Variants in IFT80 observed in about 807,000 individuals in gnomAD.
IFT80 encodes the protein intraflagellar transport protein 80 homolog.
A neutral mutation model predicts 107.9 loss-of-function variants in IFT80; 79 were observed. The observed-to-expected ratio is 0.73, with a 90% confidence interval of 0.61 to 0.88. The LOEUF (loss-of-function observed/expected upper bound fraction) is 0.88. IFT80 is among the 40% of genes least tolerant of loss of function. IFT80 has a pLI of 0.00. For synonymous variants in IFT80, 299 were observed against 300.9 expected (o/e 0.99, Z 0.07); for missense variants, 797 against 914.2 (o/e 0.87, Z 1.65).
At chr3:160,336,547 T>C (rs557187765) in intron 8 of IFT80, among the ~76,000 whole-genome samples, 2 of 152,220 alleles carry the variant, frequency 1.3e-5, no homozygotes, top group East Asian at 3.9e-4. Flanking sequence ...GATAACAATT[T>C]TTTATTTTTG....
At position 160,282,542 on chromosome 3, in the gene IFT80, T is replaced by A. The variant is rs1714765993; in HGVS notation, c.1452A>T (p.Lys484Asn). The A allele has an allele frequency of 6.3e-7, 1 of 1,594,590 alleles. No homozygotes were observed. The highest frequency in any genetic ancestry group is 8.6e-7 in the Non-Finnish European group (1 of 1,166,484). Residue 484 changes from lysine to asparagine, a missense_variant, in exon 14 of 20, where the codon AAA (lysine) becomes AAT (asparagine). By Grantham distance (94) the Lys-to-Asn change is moderately conservative (BLOSUM62 0). Transcript: ENST00000326448. The stretch of plus-strand genomic sequence containing the variant: ...CAGAAGTGATACAGAGATCTCTATT[T>A]TTATCAATGAAAGCAATTTTTCTAT... ...TNDRKIAFID[K>N]NRDLCITSVK... is the part of the protein sequence containing the mutation.
At chr3:160,384,321 A>G in intron 2 of IFT80, 1 of 949,788 alleles carries the variant, frequency 1.1e-6, no homozygotes, top group Non-Finnish European at 1.3e-6. Context: ...ATTTAAGTAT[A>G]GTACTTAAGT....
At chr3:160,321,478 A>G (rs896981907) in intron 8 of IFT80, among the ~76,000 whole-genome samples, 5 of 151,976 alleles carry the variant, frequency 3.3e-5, no homozygotes, top group Non-Finnish European at 5.9e-5. Flanking sequence ...ATACATTCAT[A>G]TAACAGTCCT....
At chr3:160,348,241 G>C (rs542375522) in intron 8 of IFT80, among the ~76,000 whole-genome samples, 1 of 151,880 alleles carries the variant, frequency 6.6e-6, no homozygotes, top group Admixed American at 6.6e-5. Flanking sequence ...ATAATTTCTT[G>C]AACAATGAAA....
chr3:160,362,707 A>T (rs961762778), intron 6 of IFT80, among the ~76,000 whole-genome samples: 26 of 150,386 alleles, frequency 1.7e-4, no homozygotes, highest in Non-Finnish European at 3.6e-4. Context: ...GATGCAAGGG[A>T]TTCAACATAC....
intron 17 of IFT80, 49 bp from the exon 18 acceptor site, chr3:160,277,527 TA>T: frequency 6.3e-7 from 1 of 1,575,280 alleles, no homozygotes; most frequent in Non-Finnish European, 8.7e-7. Context: ...AGAAATATAA[TA>T]AATTACGCTA....
At position 160,300,486 on chromosome 3, in the gene IFT80, T is replaced by C. The variant is rs115965946; in HGVS notation, c.1315+397A>G. Among the ~76,000 whole-genome samples the C allele has an allele frequency of 7.0e-3, 1,059 of 152,112 alleles. 11 individuals are homozygous for C. Among genetic ancestry groups the C allele is most frequent in the African/African-American group, 0.024 (991 of 41,502 alleles). ...ATATGAATTTAAAAATATAAACAAA[T>C]TAAATAGTTCAATGAAGTGCAATAT... On this transcript the variant is annotated intron_variant, in intron 12 of 19. Coordinates refer to ENST00000326448, the MANE Select transcript of IFT80 (RefSeq NM_020800.3).
chr3:160,381,071 CA>C (rs528282782), intron 3 of IFT80, among the ~76,000 whole-genome samples: 1 of 150,090 alleles, frequency 6.7e-6, no homozygotes. Context: ...CCTGTCTCTA[CA>C]AAAAAAATGT....
At chr3:160,361,346 C>T (rs982747585) in intron 6 of IFT80, among the ~76,000 whole-genome samples, 8 of 152,178 alleles carry the variant, frequency 5.3e-5, no homozygotes, top group Non-Finnish European at 1.0e-4. Flanking sequence ...TACATATGCA[C>T]CCAATACAGG....
chr3:160,392,879 G>A (rs545715516), intron 1 of IFT80, among the ~76,000 whole-genome samples: 2 of 152,048 alleles, frequency 1.3e-5, no homozygotes, highest in African/African-American at 2.4e-5. Flanking sequence ...AGACCAGCCT[G>A]GGCAACATAG....
rs558046905 is a variant in IFT80, at chr3:160,295,432, T to C, written c.1315+5451A>G. On this transcript the variant is annotated intron_variant, in intron 12 of 19. Coordinates refer to ENST00000326448, the MANE Select transcript of IFT80 (RefSeq NM_020800.3). ...CCAGCCCGGGCAACATAGTGAGCCATTGTCTCTATTAAAAATACAAAAATT... is the reference window on the plus strand; with the variant it reads ...CCAGCCCGGGCAACATAGTGAGCCACTGTCTCTATTAAAAATACAAAAATT... Among the ~76,000 whole-genome samples, 537 of 152,086 alleles carry C rather than the reference T, an allele frequency of 3.5e-3. 1 individual carries two copies. The highest frequency in any genetic ancestry group is 5.3e-3 in the Non-Finnish European group (358 of 67,972).
At chr3:160,323,576 C>T (rs1718445351) in intron 8 of IFT80, among the ~76,000 whole-genome samples, 1 of 151,942 alleles carries the variant, frequency 6.6e-6, no homozygotes, top group East Asian at 1.9e-4. Flanking sequence ...TTCTTTGAAA[C>T]CAACGAGAAC....
At chr3:160,263,046 C>T (rs1000273089) in intron 19 of IFT80, among the ~76,000 whole-genome samples, 8 of 152,164 alleles carry the variant, frequency 5.3e-5, no homozygotes, top group Non-Finnish European at 1.0e-4. Flanking sequence ...CTGATAGACA[C>T]TCTAATCACA....
intron 3 of IFT80, among the ~76,000 whole-genome samples, chr3:160,381,222 G>A (rs970015834): frequency 1.0e-5 from 1 of 97,414 alleles, no homozygotes; most frequent in Admixed American, 1.0e-4. Flanking sequence ...GGGCAACAGA[G>A]TGAGACCCCA....
At chr3:160,285,745 T>C in intron 13 of IFT80, 59 bp downstream of exon 13, 3 of 1,133,868 alleles carry the variant, frequency 2.6e-6, no homozygotes, top group Admixed American at 2.0e-5. Context: ...AACATTAATT[T>C]TGAAAAGGAA....
intron 8 of IFT80, among the ~76,000 whole-genome samples, chr3:160,349,187 C>T (rs1248796413): frequency 2.0e-5 from 3 of 151,996 alleles, no homozygotes; most frequent in African/African-American, 7.2e-5. Context: ...CATGGCTCAC[C>T]CTATAATCCC....
chr3:160,393,240 A>ATTCAAATC (rs1383037591), intron 1 of IFT80, among the ~76,000 whole-genome samples: 1 of 152,234 alleles, frequency 6.6e-6, no homozygotes, highest in African/African-American at 2.4e-5. Flanking sequence ...CTGTCTGTAT[A>ATTCAAATC]TTCAAATCTG....
At chr3:160,269,529 T>C (rs947400993) in intron 18 of IFT80, among the ~76,000 whole-genome samples, 1 of 152,232 alleles carries the variant, frequency 6.6e-6, no homozygotes, top group Admixed American at 6.5e-5. Context: ...AGTAATATTT[T>C]ATTTAAATGG....
At chr3:160,389,665 AT>A (rs1395974450) in intron 1 of IFT80, among the ~76,000 whole-genome samples, 2 of 151,664 alleles carry the variant, frequency 1.3e-5, no homozygotes, top group African/African-American at 4.8e-5. Flanking sequence ...TGAACTCATC[AT>A]TTTTTATGGC....
Sources: allele counts gnomAD v4.1 joint callset (sites outside exome capture counted in the v4.1 genomes callset), GRCh38; gene constraint gnomAD v4.1.1; transcripts MANE v1.5; gene names NCBI Gene and HGNC (gene_info 2026-07-23, HGNC 2026-07-21).